The following C8orf76 variants were observed in gnomAD, a reference collection of about 807,000 sequenced individuals.
C8orf76 encodes uncharacterized protein C8orf76.
C8orf76 carries 46 observed loss-of-function variants against 38.1 expected under a neutral mutation model. The ratio of observed to expected loss-of-function variants is 1.21; its 90% CI spans 0.95 to 1.54. C8orf76 has a LOEUF of 1.54. Ranked by LOEUF, C8orf76 falls within the 40% of genes most tolerant of loss-of-function variation. The pLI is 0.00. For synonymous variants in C8orf76, 166 were observed against 167.5 expected (o/e 0.99, Z 0.07); for missense variants, 461 against 441.6 (o/e 1.04, Z -0.39).
intron 3 of C8orf76, among the ~76,000 whole-genome samples, chr8:123,232,894 C>T (rs938192858): frequency 2.0e-5 from 3 of 152,246 alleles, no homozygotes; most frequent in South Asian, 2.1e-4. Context: ...TGTTAAATCA[C>T]GTTTGAGTAA....
chr8:123,240,837 G>A (rs1825658198), intron 1 of C8orf76, among the ~76,000 whole-genome samples: 1 of 152,240 alleles, frequency 6.6e-6, no homozygotes, highest in Non-Finnish European at 1.5e-5. Context: ...ACGGGCAGGG[G>A]GAGCTCGCCG....
chr8:123,237,122 C>G, intron 3 of C8orf76: 1 of 934,970 alleles, frequency 1.1e-6, no homozygotes, highest in Non-Finnish European at 1.7e-6. Flanking sequence ...GATGATCTGC[C>G]GCAAGTGCTG....
chr8:123,227,301 C>T (rs1825082563), intron 4 of C8orf76, among the ~76,000 whole-genome samples: 1 of 151,210 alleles, frequency 6.6e-6, no homozygotes. Context: ...CAGATTTTCC[C>T]CTTTTTTCTC....
intron 3 of C8orf76, chr8:123,237,194 T>C (rs536993408): frequency 3.0e-6 from 2 of 673,526 alleles, no homozygotes; most frequent in Admixed American, 2.0e-5. Flanking sequence ...ACCAACAACC[T>C]GTACCCCAAG....
intron 5 of C8orf76, among the ~76,000 whole-genome samples, chr8:123,224,754 C>T (rs1190536325): frequency 6.6e-6 from 1 of 152,220 alleles, no homozygotes; most frequent in African/African-American, 2.4e-5. Context: ...TTCCACCCAA[C>T]CAACAGATTT....
At chr8:123,239,286 G>C in intron 1 of C8orf76, 142 bp from the exon 2 acceptor site, 1 of 804,178 alleles carries the variant, frequency 1.2e-6, no homozygotes, top group South Asian at 1.7e-5. Flanking sequence ...TTGAACTCCT[G>C]AGCACAAGTG....
At chr8:123,237,628 G>A (rs1825546382) in intron 3 of C8orf76, among the ~76,000 whole-genome samples, 170 bp downstream of exon 3, 1 of 152,124 alleles carries the variant, frequency 6.6e-6, no homozygotes, top group African/African-American at 2.4e-5. Flanking sequence ...TTATGTCTAG[G>A]TTCCAAGTTG....
At position 123,241,249 on chromosome 8, in the gene C8orf76, G is replaced by C; in HGVS notation, c.98C>G (p.Ala33Gly). The C allele has an allele frequency of 1.3e-6, 2 of 1,590,222 alleles. No homozygotes were observed. The highest frequency in any genetic ancestry group is 1.1e-5 in the South Asian group (1 of 90,038). Residue 33 changes from alanine to glycine, a missense_variant, in exon 1 of 6, where the codon GCC becomes GGC. By Grantham distance (60) the Ala-to-Gly change is moderately conservative. Coordinates refer to ENST00000276704, the MANE Select transcript of C8orf76 (RefSeq NM_032847.3). ...RRSGPPASYC[A>G]KLCEPQWFYE... ...TCTCACCTGCGGCTCGCAGAGCTTG[G>C]CGCAGTAGGACGCGGGCGGTCCTGA...
chr8:123,241,328 A>T lies in C8orf76; in HGVS notation c.19T>A (p.Leu7Met). The T allele has an allele frequency of 6.4e-7, 1 of 1,569,660 alleles. No individual in the cohort carries two copies. Among genetic ancestry groups the T allele is most frequent in the Non-Finnish European group, 8.6e-7 (1 of 1,163,616 alleles). Reference protein sequence around the residue: MDSGCWLFGGEFEDSVF... With the variant: MDSGCWMFGGEFEDSVF... Reference sequence around the variant, plus strand: ...GAGTCCTCGAACTCGCCGCCGAACAACCAGCACCCGGAATCCATCTCGCGC... The same window carrying T: ...GAGTCCTCGAACTCGCCGCCGAACATCCAGCACCCGGAATCCATCTCGCGC... Residue 7 changes from leucine to methionine, a missense_variant, in exon 1 of 6, where the codon TTG (leucine) becomes ATG (methionine). Physicochemically the swap from Leu to Met is conservative, Grantham distance 15 (BLOSUM62 2). Transcript: ENST00000276704.
chr8:123,230,313 C>T (rs1003084015), intron 4 of C8orf76, among the ~76,000 whole-genome samples: 5 of 152,186 alleles, frequency 3.3e-5, no homozygotes, highest in African/African-American at 1.2e-4. Context: ...CCATTATCAG[C>T]AATTCAAATA....
intron 1 of C8orf76, 77 bp downstream of exon 1, chr8:123,241,153 G>A: frequency 1.4e-6 from 2 of 1,417,206 alleles, no homozygotes; most frequent in Non-Finnish European, 1.9e-6. Flanking sequence ...GGACGGAGGG[G>A]CCGAGGCCGG....
intron 3 of C8orf76, chr8:123,236,732 C>T (rs1047023409): frequency 1.2e-5 from 5 of 411,232 alleles, no homozygotes; most frequent in Admixed American, 7.4e-5. Flanking sequence ...TGCGGCAAGC[C>T]GGGATCACTC....
Position 123,234,206 on chromosome 8 carries a change from A to G in C8orf76, c.358-2449T>C, listed in dbSNP as rs367971309. ...CCTGACAGTGCTTTAAAATAGATTCAGTAATTTTCCTTATGTTACAGATAA... is the reference window on the plus strand; with the variant it reads ...CCTGACAGTGCTTTAAAATAGATTCGGTAATTTTCCTTATGTTACAGATAA... On this transcript the variant is annotated intron_variant, in intron 3 of 5. Transcript: ENST00000276704. Among the ~76,000 whole-genome samples, 13 of 152,282 alleles carry G rather than the reference A, an allele frequency of 8.5e-5. No individual in the cohort carries two copies. In the South Asian group the frequency reaches 1.0e-3, roughly 12 times the overall value.
chr8:123,241,273 G>C lies in C8orf76; in HGVS notation c.74C>G (p.Ser25Ter). 1 of 1,585,080 alleles carries C rather than the reference G, an allele frequency of 6.3e-7. No individual in the cohort carries two copies. Among genetic ancestry groups the C allele is most frequent in the Non-Finnish European group, 8.5e-7 (1 of 1,169,792 alleles). The change falls in exon 1 of 6, where the codon TCA (serine) becomes TGA (stop). Residue 25 changes from serine (S) to a stop codon, truncating the protein, a stop_gained. Transcript: ENST00000276704. LOFTEE classifies it high-confidence loss of function. ...GGCGCAGTAGGACGCGGGCGGTCCTGACCGCCGCTCCGGCCTCTCCTCGAA... is the reference window on the plus strand; with the variant it reads ...GGCGCAGTAGGACGCGGGCGGTCCTCACCGCCGCTCCGGCCTCTCCTCGAA... ...SVFEERPERR[S>*]GPPASYCAKL...
chr8:123,236,898 A>T, intron 3 of C8orf76: 1 of 1,037,804 alleles, frequency 9.6e-7, no homozygotes, highest in Non-Finnish European at 1.5e-6. Context: ...ATCACCCTTG[A>T]GATCGAGCCC....
chr8:123,225,796 A>G (rs751609642), intron 5 of C8orf76, among the ~76,000 whole-genome samples: 6 of 152,064 alleles, frequency 3.9e-5, no homozygotes, highest in Non-Finnish European at 8.8e-5. Flanking sequence ...GTGGTGGCAC[A>G]TGCCTGTGAT....
At position 123,231,393 on chromosome 8, in the gene C8orf76, G is replaced by C. The variant is rs1825265988; in HGVS notation, c.722C>G (p.Ala241Gly). ...NSSNSQKNEKALTNIQNCMAE... is the reference protein window; with the variant it reads ...NSSNSQKNEKGLTNIQNCMAE... ...CATACAGTTTTGGATATTTGTCAGA[G>C]CTTTCTCATTTTTCTGGCTATTACT... Residue 241 changes from alanine (A) to glycine (G), a missense_variant, in exon 4 of 6, where the codon GCT (alanine) becomes GGT (glycine). By Grantham distance (60) the Ala-to-Gly change is moderately conservative. Coordinates refer to ENST00000276704, the MANE Select transcript of C8orf76 (RefSeq NM_032847.3). 2 of 1,614,080 alleles carry C rather than the reference G, an allele frequency of 1.2e-6. No individual in the cohort carries two copies. Among genetic ancestry groups the C allele is most frequent in the Non-Finnish European group, 1.7e-6 (2 of 1,180,044 alleles).
At chr8:123,237,413 G>A (rs1429966742) in intron 3 of C8orf76, among the ~76,000 whole-genome samples, 1 of 152,090 alleles carries the variant, frequency 6.6e-6, no homozygotes, top group Non-Finnish European at 1.5e-5. Context: ...TTTGGGGGGG[G>A]GACCTTTTTT....
At chr8:123,238,308 C>T (rs946056408) in intron 2 of C8orf76, among the ~76,000 whole-genome samples, 4 of 152,126 alleles carry the variant, frequency 2.6e-5, no homozygotes, top group East Asian at 1.9e-4. Context: ...CTTTGCCTGC[C>T]GCCATGTAAG....
Sources: allele counts gnomAD v4.1 joint callset (sites outside exome capture counted in the v4.1 genomes callset), GRCh38; gene constraint gnomAD v4.1.1; transcripts MANE v1.5; gene names NCBI Gene and HGNC (gene_info 2026-07-23, HGNC 2026-07-21).